Variants in CLEC20A observed in about 807,000 individuals in gnomAD.
CLEC20A encodes the protein C-type lectin domain containing 20A.
At chr1:178,499,145 G>A (rs1316207080), upstream of CLEC20A, among the ~76,000 whole-genome samples, 5 of 152,220 alleles carry the variant, frequency 3.3e-5, no homozygotes, top group African/African-American at 9.6e-5. Flanking sequence ...CTCCCTGAGG[G>A]CAGCACTTGG....
intron 5 of CLEC20A, chr1:178,486,302 T>C (rs1330472984): frequency 2.5e-6 from 1 of 397,320 alleles, no homozygotes; most frequent in East Asian, 3.6e-5. Flanking sequence ...ACACCCCACC[T>C]CTCATCCTCA....
chr1:178,494,678 A>G (rs1649344366), exon 2 of CLEC20A: 1 of 399,368 alleles, frequency 2.5e-6, no homozygotes, highest in Non-Finnish European at 4.4e-6. Flanking sequence ...GAGGGAGTAG[A>G]GCTTCCACAG....
chr1:178,486,691 G>A (rs1248642069), intron 5 of CLEC20A: 1 of 398,596 alleles, frequency 2.5e-6, no homozygotes, highest in African/African-American at 2.1e-5. Context: ...TGTGGGGCTC[G>A]AAGCGGAGGC....
chr1:178,487,096 G>A (rs974993482), intron 5 of CLEC20A, among the ~76,000 whole-genome samples: 11 of 152,292 alleles, frequency 7.2e-5, no homozygotes, highest in African/African-American at 2.6e-4. Context: ...CGCTGCGCCC[G>A]GGACCCCTCC....
exon 4 of CLEC20A, chr1:178,490,169 C>T (rs971883576): frequency 5.0e-6 from 2 of 398,778 alleles, no homozygotes; most frequent in Admixed American, 8.8e-5. Flanking sequence ...ACAGTCCTCT[C>T]ACCATCATCG....
chr1:178,492,782 G>A (rs148476095), intron 2 of CLEC20A, among the ~76,000 whole-genome samples: 8 of 152,292 alleles, frequency 5.3e-5, no homozygotes, highest in Admixed American at 1.3e-4. Flanking sequence ...TAAGACAAGC[G>A]GAGTCCTTGC....
intron 7 of CLEC20A, chr1:178,480,858 C>T (rs71628282): frequency 9.2e-5 from 14 of 151,458 alleles, no homozygotes; most frequent in African/African-American, 2.9e-4. Flanking sequence ...CACCACCCCC[C>T]ACCAAAAAAA....
intron 6 of CLEC20A, 39 bp downstream of exon 6, chr1:178,483,136 A>G (rs548884528): frequency 1.2e-4 from 47 of 398,484 alleles, no homozygotes; most frequent in African/African-American, 9.2e-4. Flanking sequence ...TAACTGCTCC[A>G]CTGGTAAGAG....
chr1:178,479,791 A>G (rs1648904472), intron 7 of CLEC20A, 176 bp from the exon 8 acceptor site: 3 of 380,512 alleles, frequency 7.9e-6, no homozygotes, highest in Admixed American at 9.0e-5. Flanking sequence ...GAAAATACAT[A>G]AATTAATTTT....
At position 178,494,812 on chromosome 1, in the gene CLEC20A, T is replaced by TG; in HGVS notation, c.41-3dup. ...TCTTACTGCTCACCAGCTGCAGGGC[T>TG]GGAACAGGAGAGGCTGTCATAGCAT... On this transcript the variant is annotated splice_region_variant and splice_polypyrimidine_tract_variant and intron_variant, in intron 1 of 7. Transcript: ENST00000623247. 1 of 399,334 alleles carries TG rather than the reference T, an allele frequency of 2.5e-6. No homozygotes were observed. The allele number at this position is 399,334 out of a possible 1,614,324, so 24.7% of individuals were successfully genotyped here.
At chr1:178,484,745 T>C (rs1379166682) in intron 5 of CLEC20A, 1 of 152,212 alleles carries the variant, frequency 6.6e-6, no homozygotes, top group Non-Finnish European at 1.5e-5. Flanking sequence ...TGCATTTGTG[T>C]GATTCAGTGA....
intron 7 of CLEC20A, chr1:178,481,802 G>A (rs1443174849): frequency 6.6e-6 from 1 of 152,120 alleles, no homozygotes; most frequent in Non-Finnish European, 1.5e-5. Context: ...AGCCAAGGTG[G>A]ACAAAGCAAG....
At chr1:178,499,177 G>A (rs1001022415), upstream of CLEC20A, among the ~76,000 whole-genome samples, 16 of 152,192 alleles carry the variant, frequency 1.1e-4, no homozygotes, top group Non-Finnish European at 5.9e-5. Context: ...GAAATTCCAC[G>A]TGCCTTCCTG....
At chr1:178,483,021 A>G (rs566163519) in intron 6 of CLEC20A, 154 bp downstream of exon 6, 13 of 394,560 alleles carry the variant, frequency 3.3e-5, no homozygotes, top group African/African-American at 2.5e-4. Context: ...CATGGAGCAT[A>G]AACTAGAATC....
At chr1:178,496,708 T>A (rs1649402658) in intron 1 of CLEC20A, 192 bp downstream of exon 1, 2 of 397,388 alleles carry the variant, frequency 5.0e-6, no homozygotes, top group Non-Finnish European at 8.9e-6. Context: ...CTGAGTACTG[T>A]CTGGTTAGGG....
At chr1:178,499,191 G>A (rs1285080545), upstream of CLEC20A, among the ~76,000 whole-genome samples, 1 of 152,238 alleles carries the variant, frequency 6.6e-6, no homozygotes, top group Non-Finnish European at 1.5e-5. Context: ...CTTCCTGACT[G>A]TGAGCTCCTT....
At chr1:178,484,903 T>C (rs1649095547) in intron 5 of CLEC20A, among the ~76,000 whole-genome samples, 1 of 151,398 alleles carries the variant, frequency 6.6e-6, no homozygotes, top group South Asian at 2.1e-4. Context: ...GACTGTGCAA[T>C]ATTCTTTCCC....
intron 7 of CLEC20A, 85 bp from the exon 8 acceptor site, chr1:178,479,700 C>T (rs1648896664): frequency 2.5e-6 from 1 of 396,262 alleles, no homozygotes; most frequent in Non-Finnish European, 4.4e-6. Flanking sequence ...TCCGTATACC[C>T]TTTATGCATA....
At chr1:178,491,821 C>T (rs766710989) in intron 3 of CLEC20A, among the ~76,000 whole-genome samples, 9 of 152,240 alleles carry the variant, frequency 5.9e-5, no homozygotes, top group Non-Finnish European at 1.2e-4. Context: ...TCAGAGAAGC[C>T]GCCCCACCCC....
Sources: allele counts gnomAD v4.1 joint callset (sites outside exome capture counted in the v4.1 genomes callset), GRCh38; gene constraint gnomAD v4.1.1; transcripts MANE v1.5; gene names NCBI Gene and HGNC (gene_info 2026-07-23, HGNC 2026-07-21).